Variants in MYOF observed in about 807,000 individuals in gnomAD.
The protein encoded by MYOF is myoferlin.
A neutral mutation model predicts 284.2 loss-of-function variants in MYOF; 244 were observed. That is an observed-to-expected ratio of 0.86 (90% CI 0.77 to 0.95). MYOF has a LOEUF of 0.95. MYOF is among the 40% of genes least tolerant of loss of function. The probability of loss-of-function intolerance (pLI) is 0.00; values close to 1 mark genes in which losing one functional copy is unlikely to be tolerated. For synonymous variants in MYOF, 904 were observed against 919.7 expected (o/e 0.98, Z 0.31); for missense variants, 2,496 against 2,560.6 (o/e 0.97, Z 0.54).
Position 93,319,953 on chromosome 10 carries a change from ATCCAAAGATCT to A in MYOF, c.5506_5516del (p.Arg1836TrpfsTer2). ...ATCGCCAGTTAAAATTCCCTTCACCATCCAAAGATCTGTAATGGACATCTGTTTTCTGTTTG... is the reference window on the plus strand; with the variant it reads ...ATCGCCAGTTAAAATTCCCTTCACCAGTAATGGACATCTGTTTTCTGTTTG... On this transcript the variant is annotated frameshift_variant, in exon 49 of 54. Transcript: ENST00000359263. LOFTEE classifies it high-confidence loss of function. The A allele has an allele frequency of 6.2e-7, 1 of 1,614,134 alleles. No individual in the cohort carries two copies. The highest frequency in any genetic ancestry group is 8.5e-7 in the Non-Finnish European group (1 of 1,179,996).
chr10:93,344,328 T>C (rs1479388373), intron 37 of MYOF, among the ~76,000 whole-genome samples: 2 of 152,158 alleles, frequency 1.3e-5, no homozygotes, highest in Admixed American at 6.5e-5. Context: ...ATGAATTATA[T>C]GGTTGTGAAT....
In MYOF at chr10:93,349,882, T is replaced by G. The variant is rs1420029336; in HGVS notation, c.4009A>C (p.Arg1337=). Reference sequence around the variant, plus strand: ...TTTTTGATCACCACCGATTCCACCCTTTCTCCTCCACACTCCACAACAAGA... The same window carrying G: ...TTTTTGATCACCACCGATTCCACCCGTTCTCCTCCACACTCCACAACAAGA... ...PSLVVECGGE[R]VESVVIKNLK... is the part of the protein sequence containing the mutation. The change falls in exon 36 of 54, where the codon AGG becomes CGG. Residue 1337 remains arginine, a synonymous_variant. Transcript: ENST00000359263. 1 of 1,614,108 alleles carries G rather than the reference T, an allele frequency of 6.2e-7. No homozygotes were observed. The highest frequency in any genetic ancestry group is 8.5e-7 in the Non-Finnish European group (1 of 1,180,018).
intron 26 of MYOF, among the ~76,000 whole-genome samples, chr10:93,365,411 A>AT (rs138481317): frequency 5.9e-5 from 9 of 152,014 alleles, no homozygotes; most frequent in African/African-American, 2.2e-4. Context: ...TCTACTGTTT[A>AT]TTTTTTTCTT....
chr10:93,449,016 G>C (rs1314401488), intron 3 of MYOF, among the ~76,000 whole-genome samples: 2 of 152,044 alleles, frequency 1.3e-5, no homozygotes, highest in Admixed American at 1.3e-4. Flanking sequence ...AAGAGGGATA[G>C]GGTGCAGAGA....
At chr10:93,417,881 A>G (rs1039217780) in intron 5 of MYOF, among the ~76,000 whole-genome samples, 2 of 151,932 alleles carry the variant, frequency 1.3e-5, no homozygotes, top group Non-Finnish European at 2.9e-5. Flanking sequence ...CTCTCCTCTC[A>G]TCTCCTCCCA....
At chr10:93,471,753 G>T (rs887375469) in intron 1 of MYOF, among the ~76,000 whole-genome samples, 6 of 152,218 alleles carry the variant, frequency 3.9e-5, no homozygotes, top group South Asian at 2.1e-4. Context: ...GCCGGGCATT[G>T]TGGCATGCTC....
At chr10:93,481,977 C>A in intron 1 of MYOF, 130 bp downstream of exon 1, 3 of 828,556 alleles carry the variant, frequency 3.6e-6, no homozygotes, top group South Asian at 3.1e-5. Context: ...CCCTGTCCTG[C>A]GCAGGTAACA....
intron 3 of MYOF, among the ~76,000 whole-genome samples, chr10:93,435,305 G>A (rs1290554196): frequency 6.6e-6 from 1 of 152,182 alleles, no homozygotes; most frequent in African/African-American, 2.4e-5. Context: ...CCAGCCTGGG[G>A]TTGGACCAGC....
At chr10:93,392,332 A>G (rs1245432724) in intron 17 of MYOF, among the ~76,000 whole-genome samples, 1 of 152,172 alleles carries the variant, frequency 6.6e-6, no homozygotes, top group East Asian at 1.9e-4. Context: ...GAACCTCTCT[A>G]AACCTCAGAG....
intron 17 of MYOF, among the ~76,000 whole-genome samples, chr10:93,391,877 G>C (rs1846706080): frequency 6.6e-6 from 1 of 152,066 alleles, no homozygotes; most frequent in African/African-American, 2.4e-5. Flanking sequence ...AATAATTACT[G>C]TATGTTTTAG....
Position 93,327,952 on chromosome 10 carries a change from T to C in MYOF, c.5131+811A>G, listed in dbSNP as rs192760097. Among the ~76,000 whole-genome samples the C allele has an allele frequency of 5.3e-5, 8 of 152,196 alleles. No individual in the cohort carries two copies. The East Asian group carries it at 1.5e-3, about 29-fold the overall frequency. ...TGTTTGTTTGTTTTTGTATTTTTAGTAGAGTTGGGCTTTCACCATGTTGGT... is the reference window on the plus strand; with the variant it reads ...TGTTTGTTTGTTTTTGTATTTTTAGCAGAGTTGGGCTTTCACCATGTTGGT... On this transcript the variant is annotated intron_variant, in intron 45 of 53. Coordinates refer to ENST00000359263, the MANE Select transcript of MYOF (RefSeq NM_013451.4).
Position 93,402,365 on chromosome 10 carries a change from TAAAAGG to T in MYOF, c.875-24_875-19del. On this transcript the variant is annotated intron_variant, in intron 10 of 53. Transcript: ENST00000359263. ...AGCATGGCCTAAAATAGAGAAGGAG[TAAAAGG>T]AAATGGACATGCTAAAAAGGTACTG... 6.4e-7 allele frequency: 1 copy of T among 1,570,098 alleles called. No homozygotes were observed.
At chr10:93,374,005 C>T (rs1845718037) in intron 23 of MYOF, among the ~76,000 whole-genome samples, 1 of 152,156 alleles carries the variant, frequency 6.6e-6, no homozygotes, top group Non-Finnish European at 1.5e-5. Context: ...TGCTATCCCT[C>T]CCCCAGCCCC....
intron 16 of MYOF, among the ~76,000 whole-genome samples, chr10:93,393,613 TTAA>T (rs759538328): frequency 6.6e-6 from 1 of 152,264 alleles, no homozygotes; most frequent in Non-Finnish European, 1.5e-5. Context: ...TAGATATTAT[TTAA>T]TGACTTCTCA....
intron 5 of MYOF, among the ~76,000 whole-genome samples, chr10:93,417,092 A>G (rs1397993180): frequency 2.0e-5 from 3 of 152,168 alleles, no homozygotes; most frequent in Non-Finnish European, 4.4e-5. Flanking sequence ...GTGGTTCAAG[A>G]TTCCTCACTG....
rs865780111 is a variant in MYOF at position 93,386,493 on chromosome 10, C to T, written c.1698+1304G>A. Among the ~76,000 whole-genome samples, 12 of 152,294 alleles carry T rather than the reference C, an allele frequency of 7.9e-5. No individual in the cohort carries two copies. In the South Asian group the frequency reaches 8.3e-4, roughly 11 times the overall value. Reference sequence around the variant, plus strand: ...TTTATTTTCCCCATGTGAAGTTACACGGATGCCCCGTGGCTTGCTGCTGTG... The same window carrying T: ...TTTATTTTCCCCATGTGAAGTTACATGGATGCCCCGTGGCTTGCTGCTGTG... On this transcript the variant is annotated intron_variant, in intron 19 of 53. Transcript: ENST00000359263.
At chr10:93,354,674 TCTC>T (rs1844708208) in intron 31 of MYOF, among the ~76,000 whole-genome samples, 1 of 150,648 alleles carries the variant, frequency 6.6e-6, no homozygotes, top group Non-Finnish European at 1.5e-5. Context: ...TCACTCTCTC[TCTC>T]TCTCTCTCTC....
chr10:93,445,062 G>A (rs1372130983), intron 3 of MYOF, among the ~76,000 whole-genome samples: 1 of 152,182 alleles, frequency 6.6e-6, no homozygotes, highest in Non-Finnish European at 1.5e-5. Flanking sequence ...CTTATAAAAG[G>A]TAGCAATACA....
intron 7 of MYOF, 77 bp from the exon 8 acceptor site, chr10:93,404,296 G>T: frequency 6.8e-7 from 1 of 1,479,896 alleles, no homozygotes; most frequent in Non-Finnish European, 9.3e-7. Context: ...ATAATTTTGG[G>T]GGCCCTCCTA....
Sources: allele counts gnomAD v4.1 joint callset (sites outside exome capture counted in the v4.1 genomes callset), GRCh38; gene constraint gnomAD v4.1.1; transcripts MANE v1.5; gene names NCBI Gene and HGNC (gene_info 2026-07-23, HGNC 2026-07-21).